The following STK32A variants were observed in gnomAD, a reference collection of about 807,000 sequenced individuals.
The protein encoded by STK32A is serine/threonine kinase 32A.
A neutral mutation model predicts 53.2 loss-of-function variants in STK32A; 41 were observed. The observed-to-expected ratio is 0.77, with a 90% CI of 0.60 to 1.00. The LOEUF (loss-of-function observed/expected upper bound fraction) is 1.00. STK32A is among the 50% of genes least tolerant of loss of function. The probability of loss-of-function intolerance (pLI) is 0.00; values close to 1 mark genes in which losing one functional copy is unlikely to be tolerated. For missense variants in STK32A, 458 were observed against 485.8 expected (o/e 0.94, Z 0.54); for synonymous variants, 166 against 162.8 (o/e 1.02, Z -0.15).
At chr5:147,353,331 TA>T (rs1561741907) in intron 7 of STK32A, among the ~76,000 whole-genome samples, 1 of 152,148 alleles carries the variant, frequency 6.6e-6, no homozygotes, top group Non-Finnish European at 1.5e-5. Flanking sequence ...GTAAAGCATC[TA>T]AAGTAAATGT....
intron 4 of STK32A, among the ~76,000 whole-genome samples, chr5:147,281,514 C>T (rs76319399): frequency 3.1e-3 from 475 of 152,116 alleles, no homozygotes; most frequent in African/African-American, 0.011. Context: ...AAATTCAGAG[C>T]TCGAAGACAA....
chr5:147,288,192 C>T (rs938750491), intron 4 of STK32A, among the ~76,000 whole-genome samples: 1 of 152,118 alleles, frequency 6.6e-6, no homozygotes, highest in Non-Finnish European at 1.5e-5. Context: ...TTACCTCCAC[C>T]CAGTGATTCT....
chr5:147,308,479 T>C (rs1379259234), intron 4 of STK32A, among the ~76,000 whole-genome samples: 2 of 152,164 alleles, frequency 1.3e-5, no homozygotes, highest in Admixed American at 1.3e-4. Flanking sequence ...TACATTCATG[T>C]GATTTACTAA....
At chr5:147,332,179 G>A (rs1489395886) in intron 5 of STK32A, among the ~76,000 whole-genome samples, 1 of 152,194 alleles carries the variant, frequency 6.6e-6, no homozygotes, top group Non-Finnish European at 1.5e-5. Context: ...AGAAGACCAA[G>A]TGACAAAACT....
rs1012122801 is a variant in STK32A at position 147,294,670 on chromosome 5, A to T, written c.260+15272A>T. Among the ~76,000 whole-genome samples, 17 of 143,634 alleles carry T rather than the reference A, an allele frequency of 1.2e-4. No homozygotes were observed. In the East Asian group the frequency reaches 3.2e-3, roughly 27 times the overall value. The allele number at this position is 143,634 out of a possible 152,430, so 94.2% of individuals were successfully genotyped here. ...AGAATTGTCTCTCTTATATCTAGTCATTTTTTTTTTCTTTTTTCTTTTTTT... is the reference window on the plus strand; with the variant it reads ...AGAATTGTCTCTCTTATATCTAGTCTTTTTTTTTTTCTTTTTTCTTTTTTT... On this transcript the variant is annotated intron_variant, in intron 4 of 12. Coordinates refer to ENST00000397936, the MANE Select transcript of STK32A (RefSeq NM_001112724.2).
intron 4 of STK32A, among the ~76,000 whole-genome samples, chr5:147,312,369 G>T (rs1410383243): frequency 1.3e-5 from 2 of 152,112 alleles, no homozygotes; most frequent in African/African-American, 2.4e-5. Context: ...CTTCCAAAGT[G>T]CTGGGATTAC....
intron 2 of STK32A, among the ~76,000 whole-genome samples, chr5:147,264,870 A>AT (rs1475755547): frequency 6.6e-6 from 1 of 152,090 alleles, no homozygotes; most frequent in East Asian, 1.9e-4. Flanking sequence ...TAGGACTGCC[A>AT]TTTTCTCCTT....
chr5:147,318,196 C>G (rs1276607535), intron 4 of STK32A, among the ~76,000 whole-genome samples: 1 of 151,816 alleles, frequency 6.6e-6, no homozygotes, highest in Admixed American at 6.6e-5. Flanking sequence ...TGTTCTTTTC[C>G]TTCGTCTTTA....
At chr5:147,305,264 C>T (rs1378254123) in intron 4 of STK32A, among the ~76,000 whole-genome samples, 1 of 152,056 alleles carries the variant, frequency 6.6e-6, no homozygotes, top group East Asian at 1.9e-4. Context: ...CTCAGCAAAG[C>T]GAGAGGGAGT....
chr5:147,259,711 T>C (rs1754406795), intron 2 of STK32A, among the ~76,000 whole-genome samples: 1 of 152,086 alleles, frequency 6.6e-6, no homozygotes, highest in Admixed American at 6.5e-5. Flanking sequence ...CTCTCTGACT[T>C]TCTGTCTCTT....
intron 3 of STK32A, 108 bp from the exon 4 acceptor site, chr5:147,279,139 C>A: frequency 1.9e-6 from 2 of 1,053,210 alleles, no homozygotes; most frequent in Non-Finnish European, 2.6e-6. Context: ...ATATAATTTG[C>A]AAATGTTAAG....
chr5:147,236,288 C>T (rs927394186), intron 1 of STK32A, among the ~76,000 whole-genome samples: 6 of 152,150 alleles, frequency 3.9e-5, no homozygotes, highest in Admixed American at 3.3e-4. Context: ...TGTGTCCCTG[C>T]AAGACAAATT....
At chr5:147,237,169 C>T (rs1335620647) in intron 1 of STK32A, among the ~76,000 whole-genome samples, 14 of 151,874 alleles carry the variant, frequency 9.2e-5, no homozygotes, top group East Asian at 5.8e-4. Flanking sequence ...AAAAATTAGC[C>T]GGGCATGGTG....
chr5:147,349,170 C>A (rs1240266988), intron 6 of STK32A, among the ~76,000 whole-genome samples: 1 of 152,222 alleles, frequency 6.6e-6, no homozygotes, highest in Admixed American at 6.5e-5. Context: ...GCCACTCCAG[C>A]AAGAATGAGT....
chr5:147,401,614 C>T, the STK32A span: 231 of 1,614,034 alleles, frequency 1.4e-4, no homozygotes, highest in Non-Finnish European at 1.8e-4. Flanking sequence ...CAAATGCAGC[C>T]GCCTTGGCCC....
rs749374047 is a variant in STK32A, at chr5:147,373,310, C to A, written c.903+16C>A. The A allele has an allele frequency of 1.9e-6, 3 of 1,612,694 alleles. No homozygotes were observed. Among genetic ancestry groups the A allele is most frequent in the Non-Finnish European group, 2.5e-6 (3 of 1,179,220 alleles). On this transcript the variant is annotated intron_variant, in intron 10 of 12. Coordinates refer to ENST00000397936, the MANE Select transcript of STK32A (RefSeq NM_001112724.2). ...CATTCCTAATGTGAGTCAATCCTAA[C>A]AAAGCCAAATAACTCCCATTCAGTG...
chr5:147,364,841 G>A lies in STK32A; in HGVS notation c.660+3227G>A, dbSNP rs79247467. On this transcript the variant is annotated intron_variant, in intron 8 of 12. Coordinates refer to ENST00000397936, the MANE Select transcript of STK32A (RefSeq NM_001112724.2). ...CCAAATACCATCATATTGAAGGTTA[G>A]GGATTAAATTTAGAAATTTTGGGGG... is the stretch of plus-strand genomic sequence containing the variant. Among the ~76,000 whole-genome samples, 493 of 152,258 alleles carry A rather than the reference G, an allele frequency of 3.2e-3. 27 individuals carry two copies. The East Asian group carries it at 0.086, about 26-fold the overall frequency.
At chr5:147,341,621 A>G (rs894170480) in intron 5 of STK32A, among the ~76,000 whole-genome samples, 3 of 152,138 alleles carry the variant, frequency 2.0e-5, no homozygotes, top group Non-Finnish European at 4.4e-5. Flanking sequence ...GGCTGGGACT[A>G]TAAGTACACA....
chr5:147,398,475 A>G, the STK32A span, among the ~76,000 whole-genome samples: 2 of 152,230 alleles, frequency 1.3e-5, no homozygotes, highest in African/African-American at 2.4e-5. Context: ...GAAGACTACT[A>G]TGGAAATCCA....
Sources: gnomAD v4.1 joint callset for allele counts (sites outside exome capture counted in the v4.1 genomes callset) on GRCh38, gnomAD v4.1.1 for gene constraint, MANE v1.5 for transcripts, NCBI Gene and HGNC (gene_info 2026-07-23, HGNC 2026-07-21) for gene names.